The following FBXW4 variants were observed in gnomAD, a reference collection of about 807,000 sequenced individuals.
The protein encoded by FBXW4 is F-box/WD repeat-containing protein 4.
Under a neutral mutation model 61.8 loss-of-function variants are expected in FBXW4, and 40 were observed. The observed-to-expected ratio is 0.65, with a 90% CI of 0.50 to 0.84. The LOEUF is 0.84. Among genes scored for constraint, FBXW4 ranks in the 40% least tolerant of loss-of-function variants. FBXW4 has a pLI of 0.00. For synonymous variants in FBXW4, 311 were observed against 313.8 expected (o/e 0.99, Z 0.10); for missense variants, 672 against 753.8 (o/e 0.89, Z 1.27).
At chr10:101,614,640 T>C (rs185211426) in intron 6 of FBXW4, among the ~76,000 whole-genome samples, 78 of 152,306 alleles carry the variant, frequency 5.1e-4, no homozygotes, top group African/African-American at 1.8e-3. Flanking sequence ...CTTTCTGCTG[T>C]GCTGTTCTCT....
chr10:101,614,241 T>C (rs1204900423), intron 6 of FBXW4, among the ~76,000 whole-genome samples: 2 of 152,186 alleles, frequency 1.3e-5, no homozygotes, highest in Non-Finnish European at 2.9e-5. Flanking sequence ...CCCTTTAATC[T>C]ATAGAAGTAA....
chr10:101,687,697 G>A (rs573459700), intron 1 of FBXW4, among the ~76,000 whole-genome samples: 8 of 152,082 alleles, frequency 5.3e-5, no homozygotes, highest in East Asian at 3.9e-4. Flanking sequence ...ATACAAATAC[G>A]AATCCCCCTC....
chr10:101,635,879 C>T (rs2063997207), intron 5 of FBXW4, among the ~76,000 whole-genome samples: 1 of 151,548 alleles, frequency 6.6e-6, no homozygotes, highest in Non-Finnish European at 1.5e-5. Flanking sequence ...GGGCACCCCT[C>T]CAGCATCCTG....
chr10:101,629,476 G>A (rs1357194242), intron 5 of FBXW4, among the ~76,000 whole-genome samples: 2 of 152,028 alleles, frequency 1.3e-5, no homozygotes, highest in African/African-American at 2.4e-5. Context: ...TAGAGAGAGG[G>A]TTTCCCCAGG....
intron 5 of FBXW4, among the ~76,000 whole-genome samples, chr10:101,659,893 A>G (rs1015349926): frequency 1.3e-5 from 2 of 152,188 alleles, no homozygotes; most frequent in African/African-American, 2.4e-5. Flanking sequence ...TTACTTCTCC[A>G]AGAGTCAGTG....
At chr10:101,615,733 G>A (rs191834555) in intron 6 of FBXW4, among the ~76,000 whole-genome samples, 15 of 152,252 alleles carry the variant, frequency 9.9e-5, no homozygotes, top group Non-Finnish European at 4.4e-5. Context: ...CATCTTTGTG[G>A]GGGCAGCTAA....
At chr10:101,665,766 T>C (rs1028379086) in intron 5 of FBXW4, among the ~76,000 whole-genome samples, 5 of 152,222 alleles carry the variant, frequency 3.3e-5, no homozygotes, top group Admixed American at 1.3e-4. Flanking sequence ...CCATCTTCAA[T>C]AGTTGTTGTG....
rs746958482 is a variant in FBXW4 at position 101,624,782 on chromosome 10, C to T, written c.1264G>A (p.Gly422Arg). 1.2e-6 allele frequency: 2 copies of T among 1,614,058 alleles called. No homozygotes were observed. The highest frequency in any genetic ancestry group is 1.7e-6 in the Non-Finnish European group (2 of 1,180,040). ...CAGATTCTCAGGGGTGAGAAGTGCC[C>T]GCAACAAGCCGTCCCTGTCACAAAA... ...SSFVTGTACC[G>R]HFSPLRIWDL... Residue 422 changes from glycine (G) to arginine (R), a missense_variant, in exon 6 of 9, where the codon GGG becomes AGG. This residue lies in a region of FBXW4 where 312 missense variants were observed against 370.1 expected (regional missense o/e 0.84). Coordinates refer to ENST00000331272, the MANE Select transcript of FBXW4 (RefSeq NM_022039.4).
chr10:101,649,267 G>T (rs532452383), intron 5 of FBXW4, among the ~76,000 whole-genome samples: 1 of 152,056 alleles, frequency 6.6e-6, no homozygotes, highest in South Asian at 2.1e-4. Flanking sequence ...GTTATGATGT[G>T]CCATTGCCCT....
chr10:101,694,933 CCTTCCGCCCCGCTTCCT>C lies in FBXW4; in HGVS notation c.156_172del (p.Gly53GlufsTer16), dbSNP rs2064660986. On this transcript the variant is annotated frameshift_variant, in exon 1 of 9. Transcript: ENST00000331272. LOFTEE classifies it high-confidence loss of function. This position sits in a 1 kb window ranked among gnomAD's most constrained non-coding sequence, Gnocchi z 6.0. Reference sequence around the variant, plus strand: ...CTTCGCCGTCTGCGGCCCGGGCTTCCCTTCCGCCCCGCTTCCTCTTCCGCCTTGCCCCGCTCTCGCTT... The same window carrying C: ...CTTCGCCGTCTGCGGCCCGGGCTTCCCTTCCGCCTTGCCCCGCTCTCGCTT... 1.6e-6 allele frequency: 2 copies of C among 1,235,568 alleles called. No individual in the cohort carries two copies. The highest frequency in any genetic ancestry group is 2.0e-6 in the Non-Finnish European group (2 of 989,850). The allele number at this position is 1,235,568 out of a possible 1,614,324, so 76.5% of individuals were successfully genotyped here.
chr10:101,638,741 T>C (rs969619679), intron 5 of FBXW4, among the ~76,000 whole-genome samples: 13 of 152,348 alleles, frequency 8.5e-5, no homozygotes, highest in African/African-American at 2.9e-4. Context: ...ATTCTGATTA[T>C]TGCACAAACC....
chr10:101,673,479 A>G lies in FBXW4; in HGVS notation c.1007+9T>C, dbSNP rs1238041951. On this transcript the variant is annotated intron_variant, in intron 3 of 8. Coordinates refer to ENST00000331272, the MANE Select transcript of FBXW4 (RefSeq NM_022039.4). The stretch of plus-strand genomic sequence containing the variant: ...GAAAAGGGTGGAAGGAGAAACCTAT[A>G]GCACTTACCCTCCTGCACTAACAAT... 2 of 1,613,882 alleles carry G rather than the reference A, an allele frequency of 1.2e-6. No homozygotes were observed. The highest frequency in any genetic ancestry group is 3.3e-5 in the Admixed American group (2 of 60,010).
intron 5 of FBXW4, among the ~76,000 whole-genome samples, chr10:101,633,881 G>T (rs1306398413): frequency 3.3e-5 from 5 of 152,012 alleles, no homozygotes; most frequent in Non-Finnish European, 5.9e-5. Context: ...GAGGCTGAGG[G>T]GGGTGGATCA....
intron 5 of FBXW4, among the ~76,000 whole-genome samples, chr10:101,631,691 A>T (rs577668573): frequency 2.6e-5 from 4 of 151,208 alleles, no homozygotes; most frequent in South Asian, 4.2e-4. Flanking sequence ...GCAGTGGCGC[A>T]ATCTCGGCTC....
rs545337578 is a variant in FBXW4, at chr10:101,631,729, G to A, written c.1236-6919C>T. On this transcript the variant is annotated intron_variant, in intron 5 of 8. Transcript: ENST00000331272. ...TGCAACTTCCGTCTCCCAGGTTCAA[G>A]CAATTCTTCTGCCTCAGCCTCCCAA... Among the ~76,000 whole-genome samples the A allele has an allele frequency of 4.6e-5, 7 of 151,796 alleles. No individual in the cohort carries two copies. The East Asian group carries it at 1.4e-3, about 30-fold the overall frequency.
chr10:101,683,445 C>A (rs549467856), intron 1 of FBXW4, among the ~76,000 whole-genome samples: 5 of 152,276 alleles, frequency 3.3e-5, no homozygotes, highest in African/African-American at 1.2e-4. Flanking sequence ...CATTCCTGGG[C>A]ATATGACCTA....
At chr10:101,680,524 C>T (rs1274043839) in intron 1 of FBXW4, among the ~76,000 whole-genome samples, 3 of 152,172 alleles carry the variant, frequency 2.0e-5, no homozygotes, top group Non-Finnish European at 4.4e-5. Context: ...AATACCATAT[C>T]ATCCATGTCC....
At chr10:101,613,821 GAATT>G (rs1047940047) in intron 6 of FBXW4, among the ~76,000 whole-genome samples, 18 of 152,320 alleles carry the variant, frequency 1.2e-4, no homozygotes, top group African/African-American at 3.6e-4. Context: ...TGCCAGGGGG[GAATT>G]AATCCCCAAG....
intron 5 of FBXW4, among the ~76,000 whole-genome samples, chr10:101,631,125 G>C (rs1315849934): frequency 3.3e-5 from 5 of 152,128 alleles, no homozygotes; most frequent in Admixed American, 1.3e-4. Flanking sequence ...AATTAATAAA[G>C]TTTAAAGCAA....
Sources: allele counts gnomAD v4.1 joint callset (sites outside exome capture counted in the v4.1 genomes callset), GRCh38; gene constraint gnomAD v4.1.1; regional missense constraint gnomAD v4.1.1; non-coding constraint Gnocchi (gnomAD v3.1); transcripts MANE v1.5; gene names NCBI Gene and HGNC (gene_info 2026-07-23, HGNC 2026-07-21).